WWOX: variants seen among roughly 807,000 people sequenced by gnomAD.
WWOX encodes WW domain-containing oxidoreductase.
In WWOX, 69 loss-of-function variants were observed where a neutral mutation model predicts 46.2. The observed-to-expected ratio is 1.49, with a 90% confidence interval of 1.23 to 1.82. WWOX has a LOEUF of 1.82. Among genes scored for constraint, WWOX ranks in the 40% most tolerant of loss-of-function variants. The probability of loss-of-function intolerance (pLI) is 0.00; values close to 1 mark genes in which losing one functional copy is unlikely to be tolerated. For missense variants in WWOX, 919 were observed against 542.6 expected, an observed-to-expected ratio of 1.69 and a Z score of -6.89; for synonymous variants, 359 against 202.6, an observed-to-expected ratio of 1.77 and a Z score of -6.56.
chr16:79,053,978 A>G (rs1003860771), intron 8 of WWOX, among the ~76,000 whole-genome samples: 2 of 136,070 alleles, frequency 1.5e-5, no homozygotes, highest in African/African-American at 2.7e-5. Flanking sequence ...TGCTGTTATT[A>G]TCTCAAGGAG....
Position 78,685,509 on chromosome 16 carries a change from G to C in WWOX, c.1056+252757G>C, listed in dbSNP as rs118111837. 4.2e-3 allele frequency among the ~76,000 whole-genome samples: 642 copies of C among 152,236 alleles called. 3 individuals carry two copies. The highest frequency in any genetic ancestry group is 7.6e-3 in the Non-Finnish European group (514 of 68,008). ...AGTGCATTTTAAAACTAGACCTGGG[G>C]ACTATGTATCCTAAAATGCAAAAAT... is the stretch of plus-strand genomic sequence containing the variant. On this transcript the variant is annotated intron_variant, in intron 8 of 8. Transcript: ENST00000566780.
intron 8 of WWOX, among the ~76,000 whole-genome samples, chr16:79,071,253 C>T (rs535151805): frequency 1.3e-5 from 2 of 152,306 alleles, no homozygotes; most frequent in South Asian, 4.1e-4. Context: ...TTTATTATTA[C>T]TTGCTACATA....
chr16:79,072,974 C>A (rs1197599845), intron 8 of WWOX, among the ~76,000 whole-genome samples: 1 of 152,092 alleles, frequency 6.6e-6, no homozygotes, highest in South Asian at 2.1e-4. Flanking sequence ...AACGTCATCA[C>A]TGTTTTTAGT....
At chr16:79,074,473 C>CTG (rs149179003) in intron 8 of WWOX, among the ~76,000 whole-genome samples, 3,156 of 107,686 alleles carry the variant, frequency 0.029, 147 homozygotes, top group African/African-American at 0.1. Flanking sequence ...GAGAGGCTGG[C>CTG]TGACCCATCA....
At chr16:78,651,753 C>G (rs993538203) in intron 8 of WWOX, among the ~76,000 whole-genome samples, 1 of 152,204 alleles carries the variant, frequency 6.6e-6, no homozygotes, top group African/African-American at 2.4e-5. Flanking sequence ...TGAAGAACCT[C>G]TTTCGTATCA....
chr16:78,602,514 T>G (rs112511149), intron 8 of WWOX, among the ~76,000 whole-genome samples: 7,995 of 152,166 alleles, frequency 0.053, 495 homozygotes, highest in African/African-American at 0.14. Context: ...TTACAGGTGC[T>G]AGCCACCACA....
chr16:78,218,231 A>G (rs999689750), intron 5 of WWOX, among the ~76,000 whole-genome samples: 6 of 151,760 alleles, frequency 4.0e-5, no homozygotes, highest in Non-Finnish European at 8.8e-5. Flanking sequence ...ATTTATACTT[A>G]TATTTATGTA....
Position 78,446,556 on chromosome 16 carries a change from T to C in WWOX, c.1056+13804T>C, listed in dbSNP as rs2083565051. On this transcript the variant is annotated intron_variant, in intron 8 of 8. Coordinates refer to ENST00000566780, the MANE Select transcript of WWOX (RefSeq NM_016373.4). Reference sequence around the variant, plus strand: ...ATTTTACTACTCCTATTATTGATATTATAATTAATATTATAATTGTTCATT... The same window carrying C: ...ATTTTACTACTCCTATTATTGATATCATAATTAATATTATAATTGTTCATT... 2.0e-5 allele frequency among the ~76,000 whole-genome samples: 3 copies of C among 152,100 alleles called. No homozygotes were observed. In the South Asian group the frequency reaches 6.2e-4, roughly 32 times the overall value.
At chr16:78,748,132 G>A (rs1262804034) in intron 8 of WWOX, among the ~76,000 whole-genome samples, 3 of 151,918 alleles carry the variant, frequency 2.0e-5, no homozygotes, top group Non-Finnish European at 2.9e-5. Context: ...CCTCTATCTC[G>A]CATTTATCCA....
chr16:78,580,233 C>T (rs1401223204), intron 8 of WWOX, among the ~76,000 whole-genome samples: 4 of 152,028 alleles, frequency 2.6e-5, no homozygotes, highest in Non-Finnish European at 5.9e-5. Context: ...GCCAGCATGC[C>T]CGGCTAGCTT....
intron 8 of WWOX, among the ~76,000 whole-genome samples, chr16:78,625,659 AAGTAAT>A (rs943064173): frequency 6.6e-6 from 1 of 151,748 alleles, no homozygotes; most frequent in Non-Finnish European, 1.5e-5. Context: ...TTGCCATTAA[AAGTAAT>A]AGTAATAATA....
chr16:78,755,887 C>T (rs2049633930), intron 8 of WWOX, among the ~76,000 whole-genome samples: 1 of 152,180 alleles, frequency 6.6e-6, no homozygotes, highest in African/African-American at 2.4e-5. Context: ...TCAAGAATTA[C>T]TGTAACTTCA....
At chr16:78,737,099 T>C (rs1347993400) in intron 8 of WWOX, among the ~76,000 whole-genome samples, 1 of 151,968 alleles carries the variant, frequency 6.6e-6, no homozygotes, top group African/African-American at 2.4e-5. Context: ...TTTTTGTTTA[T>C]TTATTTATTC....
chr16:78,503,197 C>T (rs768776227), intron 8 of WWOX, among the ~76,000 whole-genome samples: 1 of 152,096 alleles, frequency 6.6e-6, no homozygotes, highest in Non-Finnish European at 1.5e-5. Flanking sequence ...CTTTAAGCTG[C>T]TTATCAGAGG....
rs1186623868 is a variant in WWOX at position 79,084,815 on chromosome 16, A to G, written c.1057-126793A>G. On this transcript the variant is annotated intron_variant, in intron 8 of 8. Transcript: ENST00000566780. ...GAAGAAAGGAGTCTGTGGAAGTGAC[A>G]TAAAGTAGGACATGTATTCATTTAC... Among the ~76,000 whole-genome samples, 6 of 152,232 alleles carry G rather than the reference A, an allele frequency of 3.9e-5. No homozygotes were observed. The East Asian group carries it at 7.7e-4, about 20-fold the overall frequency.
chr16:78,984,892 C>A (rs1008174550), intron 8 of WWOX, among the ~76,000 whole-genome samples: 3 of 151,936 alleles, frequency 2.0e-5, no homozygotes, highest in African/African-American at 4.8e-5. Context: ...AGAACTGATT[C>A]TTTTTTCAGT....
chr16:78,664,733 T>G (rs946370915), intron 8 of WWOX, among the ~76,000 whole-genome samples: 1 of 152,184 alleles, frequency 6.6e-6, no homozygotes, highest in African/African-American at 2.4e-5. Context: ...ACTCCCTGAA[T>G]TAGGCTCCTT....
At chr16:78,731,763 A>T (rs987908083) in intron 8 of WWOX, among the ~76,000 whole-genome samples, 4 of 152,050 alleles carry the variant, frequency 2.6e-5, no homozygotes, top group Non-Finnish European at 5.9e-5. Context: ...CCCTGTCATG[A>T]ATCCACTCTG....
intron 8 of WWOX, among the ~76,000 whole-genome samples, chr16:79,090,981 A>G (rs1212380850): frequency 6.6e-6 from 1 of 152,012 alleles, no homozygotes; most frequent in Non-Finnish European, 1.5e-5. Context: ...TATTTTTTGT[A>G]GATACCATGT....
Sources: allele counts gnomAD v4.1 joint callset (sites outside exome capture counted in the v4.1 genomes callset), GRCh38; gene constraint gnomAD v4.1.1; transcripts MANE v1.5; gene names NCBI Gene and HGNC (gene_info 2026-07-23, HGNC 2026-07-21).